GRM8: variants seen among roughly 807,000 people sequenced by gnomAD.
The protein encoded by GRM8 is metabotropic glutamate receptor 8.
GRM8 carries 47 observed loss-of-function variants against 87.2 expected under a neutral mutation model. The ratio of observed to expected loss-of-function variants is 0.54; its 90% confidence interval spans 0.43 to 0.69. GRM8 has a LOEUF of 0.69. Ranked by LOEUF, GRM8 falls within the 30% of genes least tolerant of loss-of-function variation. The pLI is 0.00. For synonymous variants in GRM8, 396 were observed against 404.5 expected, an observed-to-expected ratio of 0.98 and a Z score of 0.25; for missense variants, 1,019 against 1,139.2, an observed-to-expected ratio of 0.89 and a Z score of 1.52.
intron 8 of GRM8, among the ~76,000 whole-genome samples, chr7:126,563,481 A>G (rs1162152291): frequency 6.6e-6 from 1 of 152,156 alleles, no homozygotes; most frequent in Non-Finnish European, 1.5e-5. Flanking sequence ...TTACATTCTA[A>G]GAGGAGTCAG....
chr7:127,082,328 A>G (rs1313178031), intron 3 of GRM8, among the ~76,000 whole-genome samples: 1 of 152,026 alleles, frequency 6.6e-6, no homozygotes, highest in East Asian at 1.9e-4. Context: ...GTTATGTGGT[A>G]TGGATTCAGG....
At chr7:127,154,767 G>A (rs1426075052) in intron 2 of GRM8, among the ~76,000 whole-genome samples, 1 of 151,618 alleles carries the variant, frequency 6.6e-6, no homozygotes, top group African/African-American at 2.4e-5. Context: ...GAACACATAC[G>A]ATGTATGCAC....
intron 3 of GRM8, among the ~76,000 whole-genome samples, chr7:127,078,820 T>C (rs566824808): frequency 6.6e-6 from 1 of 152,246 alleles, no homozygotes; most frequent in Admixed American, 6.5e-5. Flanking sequence ...GTGGTATAAT[T>C]ATTTTAGAAT....
intron 7 of GRM8, among the ~76,000 whole-genome samples, chr7:126,624,608 C>T (rs1800489146): frequency 6.6e-6 from 1 of 152,160 alleles, no homozygotes; most frequent in South Asian, 2.1e-4. Context: ...TCACATTCTC[C>T]ACCATATATA....
At chr7:127,015,058 GAAGAAGAA>G (rs1815363260) in intron 3 of GRM8, among the ~76,000 whole-genome samples, 4 of 108,372 alleles carry the variant, frequency 3.7e-5, no homozygotes, top group African/African-American at 1.3e-4. Context: ...AGAAGAAGAA[GAAGAAGAA>G]GAAAGAAAGA....
intron 8 of GRM8, among the ~76,000 whole-genome samples, chr7:126,608,174 G>A (rs78027772): frequency 0.084 from 12,642 of 151,076 alleles, 705 homozygotes; most frequent in Non-Finnish European, 0.12. Flanking sequence ...CTGATTTCCT[G>A]GGCCTCCCTT....
rs111913361 is a variant in GRM8, at chr7:126,965,892, AT to A, written c.728-61210del. Among the ~76,000 whole-genome samples, 99 of 149,734 alleles carry A rather than the reference AT, an allele frequency of 6.6e-4. 1 individual carries two copies. The highest frequency in any genetic ancestry group is 3.7e-3 in the Admixed American group (55 of 14,974). On this transcript the variant is annotated intron_variant, in intron 3 of 10. Coordinates refer to ENST00000339582, the MANE Select transcript of GRM8 (RefSeq NM_000845.3). ...AAATAAATAAGCAGAAAATTGAGTGATTTTTTTTTTCTTGCCAGACTGTGAG... is the reference window on the plus strand; with the variant it reads ...AAATAAATAAGCAGAAAATTGAGTGATTTTTTTTTCTTGCCAGACTGTGAG...
At chr7:127,093,911 C>A (rs1824396675) in intron 3 of GRM8, among the ~76,000 whole-genome samples, 1 of 152,184 alleles carries the variant, frequency 6.6e-6, no homozygotes, top group African/African-American at 2.4e-5. Flanking sequence ...CGGACGTAAC[C>A]CCTGAAATAA....
intron 3 of GRM8, among the ~76,000 whole-genome samples, chr7:127,008,711 C>T (rs1814567760): frequency 6.6e-6 from 1 of 151,930 alleles, no homozygotes; most frequent in Admixed American, 6.6e-5. Context: ...TTCAAAAGTT[C>T]CATGGCCATT....
chr7:127,192,114 A>T (rs1795060995), intron 2 of GRM8, among the ~76,000 whole-genome samples: 1 of 69,546 alleles, frequency 1.4e-5, no homozygotes, highest in African/African-American at 5.8e-5. Flanking sequence ...TAAACTCAAC[A>T]TGAAGAGATC....
intron 7 of GRM8, among the ~76,000 whole-genome samples, chr7:126,700,870 T>C (rs1809846758): frequency 6.6e-6 from 1 of 152,118 alleles, no homozygotes; most frequent in African/African-American, 2.4e-5. Flanking sequence ...TACTTTGTGT[T>C]TATGTTCCTA....
intron 3 of GRM8, among the ~76,000 whole-genome samples, chr7:126,919,082 A>T (rs1232392199): frequency 2.1e-5 from 3 of 145,848 alleles, no homozygotes; most frequent in East Asian, 4.0e-4. Context: ...TAGCTTGTTT[A>T]AAAAAAAAAA....
At chr7:127,075,139 A>G (rs1332036983) in intron 3 of GRM8, among the ~76,000 whole-genome samples, 1 of 152,212 alleles carries the variant, frequency 6.6e-6, no homozygotes, top group Non-Finnish European at 1.5e-5. Flanking sequence ...AATGCTGTCC[A>G]TAGTTAAGTT....
intron 3 of GRM8, among the ~76,000 whole-genome samples, chr7:127,051,954 C>A (rs1273944989): frequency 6.6e-6 from 1 of 151,980 alleles, no homozygotes; most frequent in East Asian, 1.9e-4. Context: ...TGGGGCTTTA[C>A]CCATTTTATT....
intron 8 of GRM8, among the ~76,000 whole-genome samples, chr7:126,599,685 C>T (rs1209484082): frequency 1.3e-5 from 2 of 152,094 alleles, no homozygotes; most frequent in South Asian, 2.1e-4. Flanking sequence ...TCCTCAGCCT[C>T]CAGACCAAGA....
chr7:127,218,847 C>A (rs140190434), intron 2 of GRM8, among the ~76,000 whole-genome samples: 28 of 152,366 alleles, frequency 1.8e-4, no homozygotes, highest in African/African-American at 6.5e-4. Flanking sequence ...TTCTAGCACA[C>A]AACACTTTCA....
At chr7:127,059,491 C>A (rs1212842161) in intron 3 of GRM8, among the ~76,000 whole-genome samples, 1 of 151,950 alleles carries the variant, frequency 6.6e-6, no homozygotes, top group East Asian at 1.9e-4. Context: ...TGCACGCCAC[C>A]ACACCCAGCT....
intron 8 of GRM8, among the ~76,000 whole-genome samples, chr7:126,600,209 T>C (rs141143689): frequency 4.9e-4 from 74 of 152,296 alleles, no homozygotes; most frequent in African/African-American, 1.7e-3. Context: ...ATGGTTGCTT[T>C]AATAAATTAG....
intron 7 of GRM8, among the ~76,000 whole-genome samples, chr7:126,739,635 T>G (rs1396190924): frequency 6.6e-6 from 1 of 152,130 alleles, no homozygotes; most frequent in Non-Finnish European, 1.5e-5. Flanking sequence ...TATTCCTTTT[T>G]GAGATTGGTG....
Sources: gnomAD v4.1 joint callset for allele counts (sites outside exome capture counted in the v4.1 genomes callset) on GRCh38, gnomAD v4.1.1 for gene constraint, MANE v1.5 for transcripts, NCBI Gene and HGNC (gene_info 2026-07-23, HGNC 2026-07-21) for gene names.